Variants in WIPF3 observed in about 807,000 individuals in gnomAD.
The protein encoded by WIPF3 is WAS/WASL-interacting protein family member 3.
A neutral mutation model predicts 38.9 loss-of-function variants in WIPF3; 33 were observed. That is an observed-to-expected ratio of 0.85 (90% confidence interval 0.64 to 1.14). The LOEUF is 1.14. Among genes scored for constraint, WIPF3 ranks in the 50% most tolerant of loss-of-function variants. The pLI, the probability that WIPF3 is intolerant of heterozygous loss-of-function variation, is 0.00. For synonymous variants in WIPF3, 324 were observed against 269.3 expected (o/e 1.20, Z -1.99); for missense variants, 711 against 652.5 (o/e 1.09, Z -0.98).
chr7:29,855,022 C>T (rs1785165639), intron 2 of WIPF3, among the ~76,000 whole-genome samples: 2 of 152,158 alleles, frequency 1.3e-5, no homozygotes, highest in South Asian at 4.1e-4. Context: ...TGTTGTCAGC[C>T]CTAACAAACT....
chr7:29,884,336 G>A lies in WIPF3; in HGVS notation c.842G>A (p.Ser281Asn), dbSNP rs1476622561. ...CCGGGGCTCAAAGCGGAGCCCGCCAGCCCTGCGCAAGATGCGCAGGAGCCT... is the reference window on the plus strand; with the variant it reads ...CCGGGGCTCAAAGCGGAGCCCGCCAACCCTGCGCAAGATGCGCAGGAGCCT... ...GYPGLKAEPA[S>N]PAQDAQEPPA... The change falls in exon 5 of 9, where the codon AGC becomes AAC. Residue 281 changes from serine (S) to asparagine (N), a missense_variant. By Grantham distance (46) the Ser-to-Asn change is conservative. Coordinates refer to ENST00000242140, the MANE Select transcript of WIPF3 (RefSeq NM_001080529.3). 9 of 1,281,226 alleles carry A rather than the reference G, an allele frequency of 7.0e-6. No individual in the cohort carries two copies. The highest frequency in any genetic ancestry group is 9.1e-6 in the Non-Finnish European group (9 of 992,334). 79.4% of individuals were successfully genotyped at this position (1,281,226 alleles called of 1,614,324 possible).
Position 29,825,462 on chromosome 7 carries a change from G to A in WIPF3, c.-57-9206G>A, listed in dbSNP as rs571707744. Among the ~76,000 whole-genome samples, 5 of 152,142 alleles carry A rather than the reference G, an allele frequency of 3.3e-5. No homozygotes were observed. In the South Asian group the frequency reaches 6.2e-4, roughly 19 times the overall value. ...CTGTTATATAAAATGCAGCTTACTC[G>A]TGAATGTGTGATTAATATCATGTAT... On this transcript the variant is annotated intron_variant, in intron 1 of 8. Coordinates refer to ENST00000242140, the MANE Select transcript of WIPF3 (RefSeq NM_001080529.3).
Position 29,853,454 on chromosome 7 carries a change from C to T in WIPF3, c.90+18640C>T, listed in dbSNP as rs550598831. Among the ~76,000 whole-genome samples, 10 of 152,332 alleles carry T rather than the reference C, an allele frequency of 6.6e-5. No homozygotes were observed. In the South Asian group the frequency reaches 2.1e-3, roughly 32 times the overall value. On this transcript the variant is annotated intron_variant, in intron 2 of 8. Transcript: ENST00000242140. ...AGCTCCAGTGCTTGCTCAGAGTCCA[C>T]AGGACTCCATCCCCTGCCCTCTGTC...
Position 29,878,970 on chromosome 7 carries a change from G to T in WIPF3, c.224-39G>T. On this transcript the variant is annotated intron_variant, in intron 3 of 8. Transcript: ENST00000242140. This position sits in a 1 kb window ranked among gnomAD's most constrained non-coding sequence, Gnocchi z 4.0. ...AAATGAGACCTGGCTGCTCAGCTCT[G>T]CTCTCAAGTCCTTGCCTATTTGTGT... 6.4e-7 allele frequency: 1 copy of T among 1,565,214 alleles called. No individual in the cohort carries two copies. Among genetic ancestry groups the T allele is most frequent in the Middle Eastern group, 1.8e-4 (1 of 5,610 alleles).
At chr7:29,834,990 C>T (rs1784777835) in intron 2 of WIPF3, among the ~76,000 whole-genome samples, 176 bp downstream of exon 2, 1 of 152,076 alleles carries the variant, frequency 6.6e-6, no homozygotes, top group African/African-American at 2.4e-5. Context: ...CTGGCTCAGC[C>T]ATTTCTCTCC....
chr7:29,843,973 G>A lies in WIPF3; in HGVS notation c.90+9159G>A, dbSNP rs547407523. On this transcript the variant is annotated intron_variant, in intron 2 of 8. Transcript: ENST00000242140. ...GACTTCCTGGCTGCCAAGCCAACAC[G>A]CCACATCTCTGCAGTGGAGGGCTGG... 5.9e-5 allele frequency among the ~76,000 whole-genome samples: 9 copies of A among 152,092 alleles called. No individual in the cohort carries two copies. The South Asian group carries it at 1.5e-3, about 25-fold the overall frequency.
At chr7:29,825,937 C>G (rs978821327) in intron 1 of WIPF3, among the ~76,000 whole-genome samples, 3 of 152,182 alleles carry the variant, frequency 2.0e-5, no homozygotes, top group African/African-American at 7.2e-5. Flanking sequence ...GATGTCTGGG[C>G]TGGTGTTTCT....
intron 8 of WIPF3, among the ~76,000 whole-genome samples, chr7:29,910,192 C>G (rs1786479916): frequency 6.6e-6 from 1 of 151,798 alleles, no homozygotes; most frequent in Non-Finnish European, 1.5e-5. Flanking sequence ...TCTCATGTAC[C>G]CCATAAATAT....
intron 3 of WIPF3, among the ~76,000 whole-genome samples, chr7:29,876,479 A>G (rs1415469099): frequency 2.0e-5 from 3 of 152,220 alleles, no homozygotes; most frequent in African/African-American, 7.2e-5. Context: ...GAATCATGCA[A>G]TATATGGCCT....
chr7:29,877,002 C>G (rs1108402), intron 3 of WIPF3, among the ~76,000 whole-genome samples: 3 of 152,040 alleles, frequency 2.0e-5, no homozygotes, highest in South Asian at 4.2e-4. Flanking sequence ...TAGTACAGAT[C>G]GAGCATCCCT....
Position 29,899,464 on chromosome 7 carries a change from C to G in WIPF3, c.1352-4822C>G, listed in dbSNP as rs550426080. 3.3e-5 allele frequency among the ~76,000 whole-genome samples: 5 copies of G among 152,336 alleles called. No individual in the cohort carries two copies. The South Asian group carries it at 6.2e-4, about 19-fold the overall frequency. On this transcript the variant is annotated intron_variant, in intron 7 of 8. Transcript: ENST00000242140. ...CAGTACAGTGTAAGGCCCTGAATGG[C>G]AGAGACTGCAGCAGTTTTTATTCAC...
chr7:29,862,360 A>G (rs1467393063), intron 2 of WIPF3, among the ~76,000 whole-genome samples: 6 of 152,180 alleles, frequency 3.9e-5, no homozygotes, highest in Admixed American at 3.9e-4. Flanking sequence ...CTCATATGAT[A>G]AAAGATACTG....
At chr7:29,806,798 A>T (rs1178737003) in intron 1 of WIPF3, 120 bp downstream of exon 1, 3 of 151,140 alleles carry the variant, frequency 2.0e-5, no homozygotes, top group Non-Finnish European at 4.4e-5. Context: ...AGAGATCCTG[A>T]GGGCGTGGGA....
chr7:29,897,074 G>A (rs1346027369), intron 7 of WIPF3, among the ~76,000 whole-genome samples: 1 of 152,056 alleles, frequency 6.6e-6, no homozygotes, highest in African/African-American at 2.4e-5. Flanking sequence ...CATGTAAGTG[G>A]AATTATATAG....
chr7:29,888,051 A>G lies in WIPF3; in HGVS notation c.1100-17A>G, dbSNP rs1314390828. ...TCCCATCCGTGTTTCTGAGTACACCATCATCTTCTCTGTAAGGGGCCGGTG... is the reference window on the plus strand; with the variant it reads ...TCCCATCCGTGTTTCTGAGTACACCGTCATCTTCTCTGTAAGGGGCCGGTG... On this transcript the variant is annotated splice_polypyrimidine_tract_variant and intron_variant, in intron 5 of 8. Transcript: ENST00000242140. 5 of 1,613,702 alleles carry G rather than the reference A, an allele frequency of 3.1e-6. No homozygotes were observed. The highest frequency in any genetic ancestry group is 3.3e-5 in the Admixed American group (2 of 59,986).
At position 29,888,210 on chromosome 7, in the gene WIPF3, C is replaced by G. The variant is rs1292509156; in HGVS notation, c.1242C>G (p.His414Gln). 1 of 1,608,410 alleles carries G rather than the reference C, an allele frequency of 6.2e-7. No individual in the cohort carries two copies. The highest frequency in any genetic ancestry group is 8.5e-7 in the Non-Finnish European group (1 of 1,177,514). ...PGGQLRNGSL[H>Q]IIDDFESKFT... Reference sequence around the variant, plus strand: ...GTCAACTGCGAAATGGAAGCCTGCACATCATTGGTAAGTGGGTTGCACCCT... The same window carrying G: ...GTCAACTGCGAAATGGAAGCCTGCAGATCATTGGTAAGTGGGTTGCACCCT... Residue 414 changes from histidine (H) to glutamine (Q), a missense_variant, in exon 6 of 9, where the codon CAC becomes CAG. Transcript: ENST00000242140.
At chr7:29,861,388 T>A (rs1008596514) in intron 2 of WIPF3, among the ~76,000 whole-genome samples, 2 of 152,200 alleles carry the variant, frequency 1.3e-5, no homozygotes, top group Non-Finnish European at 2.9e-5. Flanking sequence ...AATATTTTCC[T>A]AGGAAAAGAA....
intron 7 of WIPF3, among the ~76,000 whole-genome samples, chr7:29,902,119 T>A (rs1786295332): frequency 6.6e-6 from 1 of 152,036 alleles, no homozygotes; most frequent in African/African-American, 2.4e-5. Context: ...ACAGCCCAAA[T>A]GTCAATAAAG....
At chr7:29,896,714 T>C (rs1179475609) in intron 7 of WIPF3, among the ~76,000 whole-genome samples, 2 of 152,196 alleles carry the variant, frequency 1.3e-5, no homozygotes, top group African/African-American at 2.4e-5. Context: ...GTACTAAATG[T>C]CACTAATGGT....
Sources: allele counts gnomAD v4.1 joint callset (sites outside exome capture counted in the v4.1 genomes callset), GRCh38; gene constraint gnomAD v4.1.1; non-coding constraint Gnocchi (gnomAD v3.1); transcripts MANE v1.5; gene names NCBI Gene and HGNC (gene_info 2026-07-23, HGNC 2026-07-21).